Variants in BCL9 observed in about 807,000 individuals in gnomAD.
The protein encoded by BCL9 is B-cell CLL/lymphoma 9 protein.
A neutral mutation model predicts 88.5 loss-of-function variants in BCL9; 25 were observed. That is an observed-to-expected ratio of 0.28 (90% CI 0.21 to 0.39). BCL9 has a LOEUF of 0.39. Ranked by LOEUF, BCL9 falls within the 10% of genes least tolerant of loss-of-function variation. The pLI, the probability that BCL9 is intolerant of heterozygous loss-of-function variation, is 1.00. For missense variants in BCL9, 1,817 were observed against 1,877.8 expected, an observed-to-expected ratio of 0.97 and a Z score of 0.60; for synonymous variants, 711 against 673.3, an observed-to-expected ratio of 1.06 and a Z score of -0.87.
chr1:147,554,057 C>A (rs1318459852), intron 1 of BCL9, among the ~76,000 whole-genome samples: 2 of 152,014 alleles, frequency 1.3e-5, no homozygotes, highest in African/African-American at 4.8e-5. Flanking sequence ...CACTGTGCAC[C>A]AGCAGTCAGA....
chr1:147,597,482 A>C (rs1553200619), intron 1 of BCL9, among the ~76,000 whole-genome samples: 1 of 152,198 alleles, frequency 6.6e-6, no homozygotes, highest in Non-Finnish European at 1.5e-5. Flanking sequence ...TTCTTATCTT[A>C]AAATTTCTAG....
intron 1 of BCL9, among the ~76,000 whole-genome samples, chr1:147,548,487 C>T (rs868992307): frequency 1.1e-4 from 17 of 152,198 alleles, no homozygotes; most frequent in African/African-American, 3.4e-4. Context: ...TGGACCCAAA[C>T]CATGTCATTC....
intron 1 of BCL9, among the ~76,000 whole-genome samples, chr1:147,603,588 A>G (rs1469766760): frequency 2.0e-5 from 3 of 151,606 alleles, no homozygotes; most frequent in African/African-American, 7.3e-5. Context: ...TGCAACCTCC[A>G]CCTCCTGGGT....
chr1:147,608,795 T>C (rs1213231487), intron 3 of BCL9, among the ~76,000 whole-genome samples: 6 of 152,204 alleles, frequency 3.9e-5, no homozygotes, highest in African/African-American at 1.2e-4. Context: ...GAGCACTTTA[T>C]ATGAACTAGC....
intron 1 of BCL9, among the ~76,000 whole-genome samples, chr1:147,585,475 G>T (rs1211698615): frequency 6.6e-6 from 1 of 152,142 alleles, no homozygotes; most frequent in Non-Finnish European, 1.5e-5. Context: ...ACGATGGGGA[G>T]GGGATGATAA....
At chr1:147,563,324 G>A (rs1655467314) in intron 1 of BCL9, among the ~76,000 whole-genome samples, 1 of 152,088 alleles carries the variant, frequency 6.6e-6, no homozygotes. Flanking sequence ...TCATTGCTGT[G>A]CCCTGATGAT....
intron 1 of BCL9, among the ~76,000 whole-genome samples, chr1:147,550,276 A>G (rs1443051265): frequency 6.6e-6 from 1 of 152,268 alleles, no homozygotes; most frequent in Admixed American, 6.5e-5. Flanking sequence ...TTTAGTACGA[A>G]CCATGGAAGG....
chr1:147,622,123 A>T, intron 8 of BCL9, 148 bp from the exon 9 acceptor site: 1 of 1,146,706 alleles, frequency 8.7e-7, no homozygotes, highest in Non-Finnish European at 1.2e-6. Flanking sequence ...CTTGACTAGA[A>T]GATTGATGAT....
chr1:147,611,989 A>C (rs1005418091), intron 4 of BCL9, 100 bp downstream of exon 4: 3 of 1,253,202 alleles, frequency 2.4e-6, no homozygotes, highest in Admixed American at 2.0e-5. Flanking sequence ...TTAGAAATAA[A>C]TGAAACCCAA....
At chr1:147,599,927 G>A (rs1657269491) in intron 1 of BCL9, among the ~76,000 whole-genome samples, 4 of 151,442 alleles carry the variant, frequency 2.6e-5, no homozygotes, top group Admixed American at 2.6e-4. Context: ...GACTTTCCCT[G>A]GAGGGGCGGG....
chr1:147,616,854 C>T (rs1402066439), intron 7 of BCL9, among the ~76,000 whole-genome samples: 2 of 151,964 alleles, frequency 1.3e-5, no homozygotes, highest in African/African-American at 2.4e-5. Flanking sequence ...TATCTGGCAT[C>T]GTCAAGCCAT....
chr1:147,555,965 C>T (rs1354072763), intron 1 of BCL9, among the ~76,000 whole-genome samples: 1 of 152,136 alleles, frequency 6.6e-6, no homozygotes, highest in Non-Finnish European at 1.5e-5. Context: ...AGAAGTAGCA[C>T]AAATAGGCTT....
Position 147,615,866 on chromosome 1 carries a change from T to C in BCL9, c.624T>C (p.Ile208=). ...TCGTCTCTTTCCACATCCAGAACAT[T>C]TCTAACAACAAGACAGAGAGAAGCA... ...ETIVSFHIQN[I]SNNKTERSTA... is the part of the protein sequence containing the mutation. Residue 208 remains isoleucine (I), a synonymous_variant, in exon 7 of 10, where the codon ATT becomes ATC. Coordinates refer to ENST00000234739, the MANE Select transcript of BCL9 (RefSeq NM_004326.4). 1 of 1,614,202 alleles carries C rather than the reference T, an allele frequency of 6.2e-7. No individual in the cohort carries two copies. The highest frequency in any genetic ancestry group is 1.1e-5 in the South Asian group (1 of 91,086).
At chr1:147,573,231 A>T (rs1272543192) in intron 1 of BCL9, among the ~76,000 whole-genome samples, 1 of 152,200 alleles carries the variant, frequency 6.6e-6, no homozygotes, top group Non-Finnish European at 1.5e-5. Context: ...TGGGTGGATC[A>T]TCTGAGGTCA....
chr1:147,557,234 G>A (rs1375498587), intron 1 of BCL9, among the ~76,000 whole-genome samples: 80 of 152,212 alleles, frequency 5.3e-4, no homozygotes, highest in African/African-American at 1.9e-3. Context: ...CAACTTGCTT[G>A]ATAACATTTT....
chr1:147,548,687 A>G (rs183249422), intron 1 of BCL9, among the ~76,000 whole-genome samples: 25 of 152,318 alleles, frequency 1.6e-4, no homozygotes, highest in Admixed American at 1.6e-3. Flanking sequence ...ATGAATAAAC[A>G]GTTCACATTG....
At chr1:147,598,585 C>T (rs1453064045) in intron 1 of BCL9, among the ~76,000 whole-genome samples, 1 of 152,168 alleles carries the variant, frequency 6.6e-6, no homozygotes, top group Admixed American at 6.5e-5. Context: ...GGAATAAGTA[C>T]CCTGGTTAAA....
rs782495043 is a variant in BCL9 at position 147,620,727 on chromosome 1, C to G, written c.2572C>G (p.Pro858Ala). The G allele has an allele frequency of 1.2e-6, 2 of 1,614,142 alleles. No individual in the cohort carries two copies. Among genetic ancestry groups the G allele is most frequent in the East Asian group, 2.2e-5 (1 of 44,884 alleles). ...ISVAGSQVHSPGINPLKSPTM... is the reference protein window; with the variant it reads ...ISVAGSQVHSAGINPLKSPTM... ...TGTGGCAGGCAGCCAGGTGCATTCC[C>G]CAGGCATTAACCCTCTGAAGTCTCC... The change falls in exon 8 of 10, where the codon CCA becomes GCA. Residue 858 changes from proline (P) to alanine (A), a missense_variant. By Grantham distance (27) the Pro-to-Ala change is conservative. Around this residue, in one of 2 missense-constraint regions of BCL9, gnomAD observed 1,228 missense variants for 1,191.6 expected, o/e 1.03. Coordinates refer to ENST00000234739, the MANE Select transcript of BCL9 (RefSeq NM_004326.4).
chr1:147,589,011 A>G (rs944806185), intron 1 of BCL9, among the ~76,000 whole-genome samples: 2 of 152,176 alleles, frequency 1.3e-5, no homozygotes, highest in Non-Finnish European at 2.9e-5. Context: ...CAGTGGATGC[A>G]TGCTTGGAGG....
Sources: allele counts gnomAD v4.1 joint callset (sites outside exome capture counted in the v4.1 genomes callset), GRCh38; gene constraint gnomAD v4.1.1; regional missense constraint gnomAD v4.1.1; transcripts MANE v1.5; gene names NCBI Gene and HGNC (gene_info 2026-07-23, HGNC 2026-07-21).